The following ANKRD42 variants were observed in gnomAD, a reference collection of about 807,000 sequenced individuals.
The protein encoded by ANKRD42 is ankyrin repeat domain 42, also known as ankyrin repeat domain-containing protein 42.
ANKRD42 carries 43 observed loss-of-function variants against 51.5 expected under a neutral mutation model. The ratio of observed to expected loss-of-function variants is 0.83; its 90% CI spans 0.65 to 1.08. The LOEUF (loss-of-function observed/expected upper bound fraction) is 1.08, where lower values mean the gene tolerates loss of function less well. Ranked by LOEUF, ANKRD42 falls within the 50% of genes least tolerant of loss-of-function variation. ANKRD42 has a pLI of 0.00. For synonymous variants in ANKRD42, 203 were observed against 213.0 expected (o/e 0.95, Z 0.41); for missense variants, 608 against 629.3 (o/e 0.97, Z 0.36).
chr11:83,256,555 C>T (rs1020710630), downstream of ANKRD42, among the ~76,000 whole-genome samples: 1 of 152,074 alleles, frequency 6.6e-6, no homozygotes, highest in Non-Finnish European at 1.5e-5. Flanking sequence ...TCCTACCCCC[C>T]TCTCTTTTCT....
At chr11:83,195,868 G>T (rs1181528152) in intron 1 of ANKRD42, among the ~76,000 whole-genome samples, 2 of 142,134 alleles carry the variant, frequency 1.4e-5, no homozygotes, top group Non-Finnish European at 3.0e-5. Flanking sequence ...TTTTGGAGAC[G>T]GAGTCTTGCT....
chr11:83,199,201 G>T (rs557260088), intron 2 of ANKRD42, among the ~76,000 whole-genome samples: 1 of 152,284 alleles, frequency 6.6e-6, no homozygotes, highest in East Asian at 1.9e-4. Flanking sequence ...GGAATGGAAT[G>T]TTGCAGGTAC....
In ANKRD42 at chr11:83,236,454, G is replaced by A. The variant is rs776738726; in HGVS notation, c.964G>A (p.Ala322Thr). 3.1e-6 allele frequency: 5 copies of A among 1,612,432 alleles called. No homozygotes were observed. Among genetic ancestry groups the A allele is most frequent in the Middle Eastern group, 1.7e-4 (1 of 6,060 alleles). ...TTTGCAGTGGTTAATTAAAATGGGAGCAGACAGTAATATTACCAACAAAGC... is the reference window on the plus strand; with the variant it reads ...TTTGCAGTGGTTAATTAAAATGGGAACAGACAGTAATATTACCAACAAAGC... ...ECLQWLIKMG[A>T]DSNITNKAGE... The change falls in exon 8 of 11, where the codon GCA (alanine) becomes ACA (threonine). Residue 322 changes from alanine to threonine, a missense_variant. Transcript: ENST00000533342.
intron 6 of ANKRD42, among the ~76,000 whole-genome samples, chr11:83,226,604 G>A (rs1388778407): frequency 6.6e-6 from 1 of 152,198 alleles, no homozygotes; most frequent in Non-Finnish European, 1.5e-5. Flanking sequence ...AATCAAGGCA[G>A]TGTGTAGTAA....
At chr11:83,245,698 C>T in intron 10 of ANKRD42, 74 bp downstream of exon 10, 2 of 1,430,266 alleles carry the variant, frequency 1.4e-6, no homozygotes, top group Non-Finnish European at 9.3e-7. Flanking sequence ...TGTTGATCAG[C>T]AACTTTTACT....
intron 1 of ANKRD42, among the ~76,000 whole-genome samples, chr11:83,196,768 A>G (rs958441923): frequency 6.6e-6 from 1 of 152,244 alleles, no homozygotes; most frequent in Non-Finnish European, 1.5e-5. Context: ...TGAGTGGATG[A>G]GTGAATAAAT....
At chr11:83,225,112 TATA>T in intron 6 of ANKRD42, 57 bp downstream of exon 6, 6 of 1,445,884 alleles carry the variant, frequency 4.1e-6, no homozygotes, top group Non-Finnish European at 4.8e-6. Flanking sequence ...ATGATGATAA[TATA>T]ATGAGTAGAA....
chr11:83,210,668 CAG>C (rs755895235), intron 4 of ANKRD42, among the ~76,000 whole-genome samples: 1 of 152,188 alleles, frequency 6.6e-6, no homozygotes, highest in Non-Finnish European at 1.5e-5. Flanking sequence ...CATGCCAGTT[CAG>C]AGTTTAACTG....
chr11:83,257,826 T>C (rs1863800224), downstream of ANKRD42, among the ~76,000 whole-genome samples: 2 of 152,208 alleles, frequency 1.3e-5, no homozygotes, highest in Non-Finnish European at 1.5e-5. Flanking sequence ...AATAAAAGCA[T>C]ACACACCCTG....
Position 83,248,040 on chromosome 11 carries a change from C to G in ANKRD42, c.1420C>G (p.Leu474Val). 1.9e-6 allele frequency: 3 copies of G among 1,605,742 alleles called. No homozygotes were observed. Among genetic ancestry groups the G allele is most frequent in the Non-Finnish European group, 2.6e-6 (3 of 1,175,608 alleles). ...LDEYRAEVDQ[L>V]RETLEKIQVP... ...TGAATATCGAGCAGAAGTTGATCAACTCAGGGAAACACTGGAAAAAATTCA... is the reference window on the plus strand; with the variant it reads ...TGAATATCGAGCAGAAGTTGATCAAGTCAGGGAAACACTGGAAAAAATTCA... The change falls in exon 11 of 11, where the codon CTC becomes GTC. Residue 474 changes from leucine (L) to valine (V), a missense_variant. Leu to Val is a conservative substitution (Grantham distance 32, BLOSUM62 1). Transcript: ENST00000533342.
intron 11 of ANKRD42, among the ~76,000 whole-genome samples, chr11:83,254,430 C>CTTTTTTTTTTTTTTTTTTTTTTT (rs778427623): frequency 7.7e-6 from 1 of 130,412 alleles, no homozygotes; most frequent in Non-Finnish European, 1.6e-5. Context: ...TTTCTTTTTT[C>CTTTTTTTTTTTTTTTTTTTTTTT]TTTTCTTTTT....
intron 11 of ANKRD42, among the ~76,000 whole-genome samples, chr11:83,255,674 C>CAGCACAATAAA (rs1863758163): frequency 6.6e-6 from 1 of 152,138 alleles, no homozygotes; most frequent in Admixed American, 6.5e-5. Flanking sequence ...ATATAATGCA[C>CAGCACAATAAA]TGTTACTTCA....
downstream of ANKRD42, among the ~76,000 whole-genome samples, chr11:83,258,524 G>A (rs1180558775): frequency 1.3e-5 from 2 of 152,150 alleles, no homozygotes; most frequent in Non-Finnish European, 2.9e-5. Flanking sequence ...CTGGGGGACT[G>A]TGGACAAGTT....
At chr11:83,249,517 T>G (rs943221603), downstream of ANKRD42, among the ~76,000 whole-genome samples, 53 of 152,214 alleles carry the variant, frequency 3.5e-4, no homozygotes, top group African/African-American at 1.3e-3. Context: ...TTTTGAGCCA[T>G]TCCAAACTGT....
intron 6 of ANKRD42, 57 bp from the exon 7 acceptor site, chr11:83,227,690 A>T: frequency 6.5e-7 from 1 of 1,544,498 alleles, no homozygotes; most frequent in Non-Finnish European, 8.7e-7. Flanking sequence ...ACAGCTTAAG[A>T]CAGGGAAAAG....
intron 1 of ANKRD42, 60 bp from the exon 2 acceptor site, chr11:83,198,419 A>C: frequency 6.7e-7 from 1 of 1,499,586 alleles, no homozygotes; most frequent in Non-Finnish European, 9.0e-7. Flanking sequence ...TCACTGTTTT[A>C]GTCTTTTTTT....
chr11:83,233,466 TTC>T (rs1863139935), intron 7 of ANKRD42, among the ~76,000 whole-genome samples: 1 of 152,186 alleles, frequency 6.6e-6, no homozygotes, highest in East Asian at 1.9e-4. Flanking sequence ...TATTTGGATC[TTC>T]TCTCTTTTTT....
At position 83,193,912 on chromosome 11, in the gene ANKRD42, G is replaced by C. The variant is rs1253117270; in HGVS notation, c.-759G>C. ...CGGTCTACACGGCCATTCCGGCGCC[G>C]AGTCTAGGGAAAGAGTTAGCGACGA... is the stretch of plus-strand genomic sequence containing the variant. On this transcript the variant is annotated 5_prime_UTR_variant, in exon 1 of 11. Coordinates refer to ENST00000533342, the MANE Select transcript of ANKRD42 (RefSeq NM_001300975.2). 2.2e-6 allele frequency: 1 copy of C among 454,536 alleles called. No individual in the cohort carries two copies. Among genetic ancestry groups the C allele is most frequent in the Non-Finnish European group, 4.4e-6 (1 of 225,300 alleles). 28.2% of individuals were successfully genotyped at this position (454,536 alleles called of 1,614,324 possible).
At chr11:83,208,572 T>C (rs1443185868) in intron 3 of ANKRD42, among the ~76,000 whole-genome samples, 2 of 151,676 alleles carry the variant, frequency 1.3e-5, no homozygotes, top group Non-Finnish European at 2.9e-5. Context: ...CCAGAGAGGG[T>C]AAAAATAGGT....
Sources: allele counts gnomAD v4.1 joint callset (sites outside exome capture counted in the v4.1 genomes callset), GRCh38; gene constraint gnomAD v4.1.1; transcripts MANE v1.5; gene names NCBI Gene and HGNC (gene_info 2026-07-23, HGNC 2026-07-21).